PRR14L: variants seen among roughly 807,000 people sequenced by gnomAD.
PRR14L encodes proline rich 14 like, also known as protein PRR14L.
In PRR14L, 80 loss-of-function variants were observed where a neutral mutation model predicts 155.0. The observed-to-expected ratio is 0.52, with a 90% CI of 0.43 to 0.62. The LOEUF (loss-of-function observed/expected upper bound fraction) is 0.62. Among genes scored for constraint, PRR14L ranks in the 20% least tolerant of loss-of-function variants. PRR14L has a pLI of 0.00. For synonymous variants in PRR14L, 883 were observed against 916.0 expected (o/e 0.96, Z 0.65); for missense variants, 2,469 against 2,548.0 (o/e 0.97, Z 0.67).
chr22:31,702,888 T>C (rs568931787), intron 6 of PRR14L, among the ~76,000 whole-genome samples: 15 of 150,864 alleles, frequency 9.9e-5, no homozygotes, highest in South Asian at 2.1e-4. Context: ...TCTGGGGTCA[T>C]TGCTGCAAAC....
chr22:31,746,613 T>C (rs2074839063), intron 1 of PRR14L, among the ~76,000 whole-genome samples: 2 of 152,198 alleles, frequency 1.3e-5, no homozygotes, highest in South Asian at 2.1e-4. Flanking sequence ...TTGTCGTCTT[T>C]ATCACAACAC....
At chr22:31,733,429 C>A (rs1405824060) in intron 2 of PRR14L, among the ~76,000 whole-genome samples, 4 of 151,100 alleles carry the variant, frequency 2.6e-5, no homozygotes, top group Non-Finnish European at 5.9e-5. Flanking sequence ...CTCAGCCTCC[C>A]AAGTAGTTTG....
intron 4 of PRR14L, among the ~76,000 whole-genome samples, chr22:31,705,398 G>A (rs1366446594): frequency 6.6e-6 from 1 of 151,966 alleles, no homozygotes; most frequent in African/African-American, 2.4e-5. Flanking sequence ...TTTTGAGACT[G>A]AGTCTTGTTC....
intron 6 of PRR14L, 83 bp downstream of exon 6, chr22:31,703,467 T>G: frequency 2.3e-6 from 3 of 1,327,254 alleles, no homozygotes; most frequent in Non-Finnish European, 2.1e-6. Flanking sequence ...CAGAAGCCAG[T>G]CTGTAGCTAT....
chr22:31,747,034 GA>G (rs1388554341), intron 1 of PRR14L, among the ~76,000 whole-genome samples: 6 of 151,844 alleles, frequency 4.0e-5, no homozygotes, highest in Non-Finnish European at 7.4e-5. Context: ...TTGATCTCCT[GA>G]CCTTGTGATC....
Position 31,686,872 on chromosome 22 carries a change from C to T in PRR14L, c.6180-1069G>A, listed in dbSNP as rs995514087. 4.6e-5 allele frequency among the ~76,000 whole-genome samples: 7 copies of T among 152,296 alleles called. No homozygotes were observed. The South Asian group carries it at 1.4e-3, about 32-fold the overall frequency. ...CAATTCTCCTTCTATATTCTAGAAA[C>T]AGTGGGCATTTAATAAATGTTCACT... On this transcript the variant is annotated intron_variant, in intron 8 of 8. Coordinates refer to ENST00000327423, the MANE Select transcript of PRR14L (RefSeq NM_173566.3).
chr22:31,749,145 T>G (rs1298599975), intron 1 of PRR14L, among the ~76,000 whole-genome samples: 2 of 152,182 alleles, frequency 1.3e-5, no homozygotes, highest in African/African-American at 4.8e-5. Context: ...CGCATGACAA[T>G]TCTAAGAAAA....
intron 7 of PRR14L, among the ~76,000 whole-genome samples, chr22:31,697,840 C>T (rs2074542877): frequency 6.6e-6 from 1 of 152,116 alleles, no homozygotes; most frequent in Non-Finnish European, 1.5e-5. Flanking sequence ...CGTCTACACT[C>T]CAGCCTGAGC....
chr22:31,689,542 A>T (rs148366016), intron 7 of PRR14L, among the ~76,000 whole-genome samples: 12 of 152,280 alleles, frequency 7.9e-5, no homozygotes, highest in African/African-American at 2.6e-4. Context: ...TCGCAAGGTT[A>T]TTCCTGATCA....
chr22:31,711,880 C>T (rs1353529492), intron 4 of PRR14L, among the ~76,000 whole-genome samples: 1 of 150,018 alleles, frequency 6.7e-6, no homozygotes, highest in African/African-American at 2.5e-5. Flanking sequence ...GTAGGTTCTA[C>T]AGGAAAACTG....
intron 2 of PRR14L, among the ~76,000 whole-genome samples, chr22:31,736,386 C>CA (rs551156311): frequency 0.03 from 2,224 of 75,234 alleles, 29 homozygotes; most frequent in Middle Eastern, 0.061. Flanking sequence ...AACTCTGTCT[C>CA]AAAAAAAAAA....
chr22:31,740,659 C>G (rs2074807887), intron 1 of PRR14L, among the ~76,000 whole-genome samples: 2 of 152,082 alleles, frequency 1.3e-5, no homozygotes, highest in Admixed American at 6.6e-5. Context: ...CCATGCCTGA[C>G]CCACACTTTC....
chr22:31,721,975 A>G (rs1034492336), intron 3 of PRR14L, among the ~76,000 whole-genome samples: 1 of 152,186 alleles, frequency 6.6e-6, no homozygotes, highest in Non-Finnish European at 1.5e-5. Context: ...AGGGGATCCC[A>G]AATCATTCCT....
intron 2 of PRR14L, among the ~76,000 whole-genome samples, chr22:31,738,175 A>T (rs2074792574): frequency 6.6e-6 from 1 of 152,184 alleles, no homozygotes; most frequent in Admixed American, 6.6e-5. Context: ...TGCTTCAGAG[A>T]ACTGACACTT....
At chr22:31,730,929 C>G (rs559495629) in intron 2 of PRR14L, among the ~76,000 whole-genome samples, 9 of 152,266 alleles carry the variant, frequency 5.9e-5, no homozygotes, top group African/African-American at 2.2e-4. Context: ...CTACAGGTTG[C>G]TGCAAAAGTA....
rs10589286 is a variant in PRR14L, at chr22:31,737,031, C to CA, written c.474+1355dup. 8.0e-3 allele frequency among the ~76,000 whole-genome samples: 401 copies of CA among 49,848 alleles called. 23 individuals are homozygous for CA. The highest frequency in any genetic ancestry group is 0.024 in the African/African-American group (296 of 12,136). The allele number at this position is 49,848 out of a possible 152,430, so 32.7% of individuals were successfully genotyped here. On this transcript the variant is annotated intron_variant, in intron 2 of 8. Coordinates refer to ENST00000327423, the MANE Select transcript of PRR14L (RefSeq NM_173566.3). ...CCAGCCTGGGAGACAGTGAGAGACT[C>CA]AAAAAAAAAAAAAAAAAAAAAAAAA...
At chr22:31,708,025 T>C (rs534008363) in intron 4 of PRR14L, among the ~76,000 whole-genome samples, 1 of 151,972 alleles carries the variant, frequency 6.6e-6, no homozygotes, top group South Asian at 2.1e-4. Flanking sequence ...GGTGCATGCC[T>C]GCAATCCCAG....
At chr22:31,741,391 G>A (rs554706362) in intron 1 of PRR14L, among the ~76,000 whole-genome samples, 1 of 152,214 alleles carries the variant, frequency 6.6e-6, no homozygotes, top group African/African-American at 2.4e-5. Context: ...GAACCTGGGA[G>A]GCAGAGGTTG....
At chr22:31,700,910 T>C (rs2147856817) in intron 7 of PRR14L, among the ~76,000 whole-genome samples, 1 of 152,248 alleles carries the variant, frequency 6.6e-6, no homozygotes, top group Non-Finnish European at 1.5e-5. Flanking sequence ...GGGAAGCTCC[T>C]GAGAGACCAC....
Sources: allele counts gnomAD v4.1 joint callset (sites outside exome capture counted in the v4.1 genomes callset), GRCh38; gene constraint gnomAD v4.1.1; transcripts MANE v1.5; gene names NCBI Gene and HGNC (gene_info 2026-07-23, HGNC 2026-07-21).